Variants in PIEZO2 observed in about 807,000 individuals in gnomAD.
PIEZO2 encodes the protein piezo-type mechanosensitive ion channel component 2.
PIEZO2 carries 172 observed loss-of-function variants against 337.3 expected under a neutral mutation model. That is an observed-to-expected ratio of 0.51 (90% CI 0.45 to 0.58). PIEZO2 has a LOEUF of 0.58. Among genes scored for constraint, PIEZO2 ranks in the 20% least tolerant of loss-of-function variants. The pLI is 0.00. For missense variants in PIEZO2, 3,028 were observed against 3,391.3 expected (o/e 0.89, Z 2.66); for synonymous variants, 1,251 against 1,228.5 (o/e 1.02, Z -0.38).
At chr18:10,955,505 T>G (rs551413391) in intron 3 of PIEZO2, among the ~76,000 whole-genome samples, 2 of 152,326 alleles carry the variant, frequency 1.3e-5, no homozygotes, top group African/African-American at 4.8e-5. Flanking sequence ...TTATAACATT[T>G]CAGTTCTGTG....
intron 11 of PIEZO2, 89 bp from the exon 12 acceptor site, chr18:10,797,611 T>C: frequency 6.8e-7 from 1 of 1,472,656 alleles, no homozygotes; most frequent in Middle Eastern, 1.8e-4. Flanking sequence ...TGTATGGTTT[T>C]GGTATAGCCT....
At chr18:10,804,951 C>T (rs1873246462) in intron 8 of PIEZO2, among the ~76,000 whole-genome samples, 1 of 152,220 alleles carries the variant, frequency 6.6e-6, no homozygotes, top group South Asian at 2.1e-4. Flanking sequence ...CTACATACCC[C>T]TGCAGACCTC....
chr18:10,947,188 T>C (rs142494169), intron 3 of PIEZO2, among the ~76,000 whole-genome samples: 1 of 151,846 alleles, frequency 6.6e-6, no homozygotes, highest in South Asian at 2.1e-4. Flanking sequence ...GAAAATAAAC[T>C]AAAATAAATA....
chr18:10,686,532 C>T (rs2034551994), intron 49 of PIEZO2, among the ~76,000 whole-genome samples: 1 of 152,156 alleles, frequency 6.6e-6, no homozygotes, highest in Non-Finnish European at 1.5e-5. Context: ...TTAGTTGTTG[C>T]TCAACAAACA....
rs149446354 is a variant in PIEZO2 at position 10,865,884 on chromosome 18, T to C, written c.492+5369A>G. On this transcript the variant is annotated intron_variant, in intron 5 of 55. Transcript: ENST00000674853. ...CCCCAAGAAAGGAACACAGGGGCTCTGCAATTGCCTCACACAAGTTTCCCA... is the reference window on the plus strand; with the variant it reads ...CCCCAAGAAAGGAACACAGGGGCTCCGCAATTGCCTCACACAAGTTTCCCA... Among the ~76,000 whole-genome samples, 1,232 of 152,306 alleles carry C rather than the reference T, an allele frequency of 8.1e-3. 7 individuals are homozygous for C. Among genetic ancestry groups the C allele is most frequent in the Middle Eastern group, 0.014 (4 of 294 alleles).
intron 10 of PIEZO2, 133 bp from the exon 11 acceptor site, chr18:10,800,608 T>C (rs1568073122): frequency 9.4e-7 from 1 of 1,067,440 alleles, no homozygotes; most frequent in South Asian, 1.9e-5. Flanking sequence ...ACTTAGCCAA[T>C]TGCCCAAATA....
In PIEZO2 at chr18:10,673,205, G is replaced by C. The variant is rs1296879066; in HGVS notation, c.8162-332C>G. Among the ~76,000 whole-genome samples the C allele has an allele frequency of 2.6e-5, 4 of 152,172 alleles. No homozygotes were observed. The highest frequency in any genetic ancestry group is 5.9e-5 in the Non-Finnish European group (4 of 68,028). The stretch of plus-strand genomic sequence containing the variant: ...TAGACATTTAAAAACCCAAATTTCT[G>C]ACTTGTGATCAAATCAACCAGTCCA... On this transcript the variant is annotated intron_variant, in intron 54 of 55. Transcript: ENST00000674853. The surrounding 1 kb of genome is among the most constrained non-coding windows in gnomAD (Gnocchi z 4.8).
Position 10,888,285 on chromosome 18 carries a change from T to C in PIEZO2, c.330-16870A>G, listed in dbSNP as rs1322801896. On this transcript the variant is annotated intron_variant, in intron 4 of 55. Transcript: ENST00000674853. This position sits in a 1 kb window ranked among gnomAD's most constrained non-coding sequence, Gnocchi z 4.1. Reference sequence around the variant, plus strand: ...GAAACTACAATTCTGATGCTGAAATTGCCCCTGAGTTGTGAGGGCCCCTCC... The same window carrying C: ...GAAACTACAATTCTGATGCTGAAATCGCCCCTGAGTTGTGAGGGCCCCTCC... 6.6e-6 allele frequency among the ~76,000 whole-genome samples: 1 copy of C among 152,212 alleles called. No individual in the cohort carries two copies. Among genetic ancestry groups the C allele is most frequent in the Non-Finnish European group, 1.5e-5 (1 of 68,052 alleles).
At chr18:11,025,982 A>G (rs2036525830) in intron 2 of PIEZO2, among the ~76,000 whole-genome samples, 1 of 152,176 alleles carries the variant, frequency 6.6e-6, no homozygotes, top group African/African-American at 2.4e-5. Flanking sequence ...CCTGATCCTC[A>G]GGAGTCCCTT....
At position 10,714,681 on chromosome 18, in the gene PIEZO2, T is replaced by A. The variant is rs9962475; in HGVS notation, c.5423+83A>T. 327,080 of 1,447,522 alleles carry A rather than the reference T, an allele frequency of 0.23. 38,101 individuals carry two copies. The highest frequency in any genetic ancestry group is 0.27 in the South Asian group (20,121 of 74,566). The allele number at this position is 1,447,522 out of a possible 1,614,324, so 89.7% of individuals were successfully genotyped here. ...TGCATGGTTTTGATGAACTTTCACC[T>A]CACACATTCATTTCTTATATTTGAT... On this transcript the variant is annotated intron_variant, in intron 39 of 55. Coordinates refer to ENST00000674853, the MANE Select transcript of PIEZO2 (RefSeq NM_001378183.1).
At position 10,696,437 on chromosome 18, in the gene PIEZO2, G is replaced by C; in HGVS notation, c.6930C>G (p.Asp2310Glu). The change falls in exon 46 of 56, where the codon GAC (aspartate) becomes GAG (glutamate). Residue 2310 changes from aspartate (D) to glutamate (E), a missense_variant. Asp to Glu is a conservative substitution (Grantham distance 45). This residue lies in a region of PIEZO2 where 1,925 missense variants were observed against 2,051.9 expected (regional missense o/e 0.94). Transcript: ENST00000674853. ...TDVYVLMFLADTVDFIIIVFG... is the reference protein window; with the variant it reads ...TDVYVLMFLAETVDFIIIVFG... Reference sequence around the variant, plus strand: ...AGACAATGATGATGAAGTCCACAGTGTCAGCCAGGAACATGAGTACATACA... The same window carrying C: ...AGACAATGATGATGAAGTCCACAGTCTCAGCCAGGAACATGAGTACATACA... The C allele has an allele frequency of 6.2e-7, 1 of 1,614,254 alleles. No homozygotes were observed. Among genetic ancestry groups the C allele is most frequent in the Non-Finnish European group, 8.5e-7 (1 of 1,180,046 alleles).
At chr18:10,986,472 G>A (rs758021666) in intron 2 of PIEZO2, among the ~76,000 whole-genome samples, 2 of 151,986 alleles carry the variant, frequency 1.3e-5, no homozygotes, top group East Asian at 1.9e-4. Flanking sequence ...TTAACAGAAC[G>A]AGTGATAAAA....
chr18:10,798,570 T>G (rs1224589174), intron 11 of PIEZO2, among the ~76,000 whole-genome samples: 1 of 152,242 alleles, frequency 6.6e-6, no homozygotes, highest in Non-Finnish European at 1.5e-5. Flanking sequence ...CTTCTCTGGT[T>G]AACACTTTTT....
rs1307447283 is a variant in PIEZO2 at position 10,872,098 on chromosome 18, T to C, written c.330-683A>G. 1.3e-5 allele frequency among the ~76,000 whole-genome samples: 2 copies of C among 152,214 alleles called. No individual in the cohort carries two copies. The highest frequency in any genetic ancestry group is 2.9e-5 in the Non-Finnish European group (2 of 68,042). On this transcript the variant is annotated intron_variant, in intron 4 of 55. Coordinates refer to ENST00000674853, the MANE Select transcript of PIEZO2 (RefSeq NM_001378183.1). The surrounding 1 kb of genome is among the most constrained non-coding windows in gnomAD (Gnocchi z 4.3). ...ATTTTGTTCAAGTGACATGAGATACTAGGTCACGGTTTTAGAAGAAAATAT... is the reference window on the plus strand; with the variant it reads ...ATTTTGTTCAAGTGACATGAGATACCAGGTCACGGTTTTAGAAGAAAATAT...
Position 10,878,165 on chromosome 18 carries a change from A to G in PIEZO2, c.330-6750T>C, listed in dbSNP as rs1274002128. On this transcript the variant is annotated intron_variant, in intron 4 of 55. Transcript: ENST00000674853. This position sits in a 1 kb window ranked among gnomAD's most constrained non-coding sequence, Gnocchi z 4.3. ...CTGATTTACCAATCTGCCTAACAGA[A>G]GCCCTTGCCTGTTTCATCTGTTTCC... 6.6e-6 allele frequency among the ~76,000 whole-genome samples: 1 copy of G among 152,234 alleles called. No homozygotes were observed. Among genetic ancestry groups the G allele is most frequent in the East Asian group, 1.9e-4 (1 of 5,198 alleles).
intron 2 of PIEZO2, among the ~76,000 whole-genome samples, chr18:11,063,584 G>T (rs1238437234): frequency 6.6e-6 from 1 of 152,122 alleles, no homozygotes. Context: ...ACCAAATGGT[G>T]GGCAGAGGGC....
chr18:10,787,012 C>G, intron 16 of PIEZO2, 24 bp downstream of exon 16: 1 of 1,519,230 alleles, frequency 6.6e-7, no homozygotes, highest in Non-Finnish European at 8.8e-7. Context: ...TCTTGTTCAT[C>G]ATTTTCAACT....
At position 10,935,270 on chromosome 18, in the gene PIEZO2, T is replaced by A. The variant is rs79350620; in HGVS notation, c.287-24042A>T. Among the ~76,000 whole-genome samples, 60 of 152,250 alleles carry A rather than the reference T, an allele frequency of 3.9e-4. No individual in the cohort carries two copies. The East Asian group carries it at 0.011, about 27-fold the overall frequency. On this transcript the variant is annotated intron_variant, in intron 3 of 55. Transcript: ENST00000674853. Reference sequence around the variant, plus strand: ...CCACACATGATTATGAATAGAAAGATTTGCTTGCCTGGAAGAAGCCTGAAT... The same window carrying A: ...CCACACATGATTATGAATAGAAAGAATTGCTTGCCTGGAAGAAGCCTGAAT...
intron 16 of PIEZO2, among the ~76,000 whole-genome samples, chr18:10,786,668 C>T (rs2039235478): frequency 6.6e-6 from 1 of 152,168 alleles, no homozygotes; most frequent in South Asian, 2.1e-4. Context: ...TCTAAGCACC[C>T]AGCAACATAA....
Sources: gnomAD v4.1 joint callset for allele counts (sites outside exome capture counted in the v4.1 genomes callset) on GRCh38, gnomAD v4.1.1 for gene constraint, gnomAD v4.1.1 regional missense constraint, Gnocchi (gnomAD v3.1) non-coding constraint, MANE v1.5 for transcripts, NCBI Gene and HGNC (gene_info 2026-07-23, HGNC 2026-07-21) for gene names.